Variants in TMEM132D observed in about 807,000 individuals in gnomAD.
TMEM132D encodes the protein mature OL transmembrane protein.
A neutral mutation model predicts 62.3 loss-of-function variants in TMEM132D; 21 were observed. The observed-to-expected ratio is 0.34, with a 90% CI of 0.24 to 0.49. The LOEUF is 0.49. TMEM132D is among the 20% of genes least tolerant of loss of function. TMEM132D has a pLI of 0.99. For missense variants in TMEM132D, 1,346 were observed against 1,402.8 expected, an observed-to-expected ratio of 0.96 and a Z score of 0.65; for synonymous variants, 621 against 575.6, an observed-to-expected ratio of 1.08 and a Z score of -1.13.
chr12:129,465,432 G>C (rs1162645032), intron 3 of TMEM132D, among the ~76,000 whole-genome samples: 1 of 152,090 alleles, frequency 6.6e-6, no homozygotes, highest in Non-Finnish European at 1.5e-5. Context: ...ACATAGTGTT[G>C]GAAGTTCTGG....
chr12:129,390,111 A>C (rs1871253388), intron 3 of TMEM132D, among the ~76,000 whole-genome samples: 1 of 152,216 alleles, frequency 6.6e-6, no homozygotes, highest in Non-Finnish European at 1.5e-5. Context: ...GGCACTTTCA[A>C]GTGCTCCTGG....
intron 1 of TMEM132D, among the ~76,000 whole-genome samples, chr12:129,819,889 G>A (rs1039087944): frequency 2.0e-5 from 3 of 152,166 alleles, no homozygotes; most frequent in Non-Finnish European, 2.9e-5. Flanking sequence ...GTGCTCATGA[G>A]TGGGAGACGC....
intron 3 of TMEM132D, among the ~76,000 whole-genome samples, chr12:129,515,050 A>G (rs570964739): frequency 2.0e-5 from 3 of 152,208 alleles, no homozygotes; most frequent in Non-Finnish European, 4.4e-5. Context: ...CTGGAAGAAC[A>G]TTAACTCTTG....
At chr12:129,696,942 C>T (rs1256941513) in intron 2 of TMEM132D, among the ~76,000 whole-genome samples, 1 of 152,170 alleles carries the variant, frequency 6.6e-6, no homozygotes, top group Admixed American at 6.5e-5. Flanking sequence ...TGTAAGATGA[C>T]AAAAAGCCCC....
At chr12:129,420,306 G>GGTTTTTTTTTTTTTTTTTT (rs1457529737) in intron 3 of TMEM132D, among the ~76,000 whole-genome samples, 1 of 112,300 alleles carries the variant, frequency 8.9e-6, no homozygotes, top group East Asian at 3.6e-4. Flanking sequence ...CACGTTCTCT[G>GGTTTTTTTTTTTTTTTTTT]TTTTTTTTTT....
intron 6 of TMEM132D, among the ~76,000 whole-genome samples, chr12:129,083,832 C>G (rs1364394827): frequency 6.6e-6 from 1 of 152,226 alleles, no homozygotes; most frequent in Non-Finnish European, 1.5e-5. Context: ...CTACCACTCT[C>G]TTTACATGGT....
At chr12:129,153,278 A>G (rs573342921) in intron 5 of TMEM132D, among the ~76,000 whole-genome samples, 1 of 152,302 alleles carries the variant, frequency 6.6e-6, no homozygotes, top group South Asian at 2.1e-4. Context: ...CAAGTCAGAG[A>G]GCTATGCCTG....
At chr12:129,150,338 C>A (rs766920396) in intron 5 of TMEM132D, among the ~76,000 whole-genome samples, 1 of 152,176 alleles carries the variant, frequency 6.6e-6, no homozygotes, top group African/African-American at 2.4e-5. Flanking sequence ...ACAATGCCGA[C>A]GGCCAACACT....
At chr12:129,431,859 T>C (rs1052854549) in intron 3 of TMEM132D, among the ~76,000 whole-genome samples, 48 of 152,198 alleles carry the variant, frequency 3.2e-4, no homozygotes, top group African/African-American at 1.1e-3. Flanking sequence ...ACTGGCTTTC[T>C]TGCTTTCCTT....
intron 2 of TMEM132D, among the ~76,000 whole-genome samples, chr12:129,581,744 A>T (rs917925784): frequency 6.6e-6 from 1 of 152,096 alleles, no homozygotes; most frequent in African/African-American, 2.4e-5. Context: ...TAGTCCATTG[A>T]CTCAAATGTC....
intron 1 of TMEM132D, among the ~76,000 whole-genome samples, chr12:129,706,341 G>C (rs1881506846): frequency 6.6e-6 from 1 of 151,592 alleles, no homozygotes. Flanking sequence ...AAGAAAACTG[G>C]GGTCACAACT....
intron 3 of TMEM132D, among the ~76,000 whole-genome samples, chr12:129,519,296 C>T (rs777953846): frequency 2.0e-5 from 3 of 152,110 alleles, no homozygotes; most frequent in African/African-American, 7.2e-5. Flanking sequence ...CAACAGAAGC[C>T]ACAGTGATCT....
At chr12:129,640,393 G>A (rs150569422) in intron 2 of TMEM132D, among the ~76,000 whole-genome samples, 1 of 152,180 alleles carries the variant, frequency 6.6e-6, no homozygotes, top group Non-Finnish European at 1.5e-5. Context: ...ATAAGAATGG[G>A]ATGCTTCTTC....
intron 4 of TMEM132D, among the ~76,000 whole-genome samples, chr12:129,303,750 C>T (rs1397092021): frequency 2.6e-5 from 4 of 151,274 alleles, no homozygotes; most frequent in African/African-American, 9.7e-5. Context: ...GTCCCATGAT[C>T]TACCATTGGC....
intron 3 of TMEM132D, among the ~76,000 whole-genome samples, chr12:129,501,551 G>A (rs1330961470): frequency 6.6e-6 from 1 of 151,692 alleles, no homozygotes; most frequent in Non-Finnish European, 1.5e-5. Context: ...TGTTGCCTAG[G>A]CTGGAGTGCA....
At chr12:129,236,112 GT>G (rs1879774253) in intron 4 of TMEM132D, among the ~76,000 whole-genome samples, 1 of 129,980 alleles carries the variant, frequency 7.7e-6, no homozygotes, top group Admixed American at 8.4e-5. Flanking sequence ...TTTTGTGTGT[GT>G]GTGTGTGTGT....
intron 1 of TMEM132D, among the ~76,000 whole-genome samples, chr12:129,745,548 C>T (rs1198149932): frequency 1.3e-5 from 2 of 152,140 alleles, no homozygotes; most frequent in African/African-American, 4.8e-5. Context: ...CTATCTCTTA[C>T]TAATCTCTCC....
intron 1 of TMEM132D, among the ~76,000 whole-genome samples, chr12:129,805,701 TTAAAC>T (rs1383170558): frequency 6.6e-6 from 1 of 151,480 alleles, no homozygotes; most frequent in Non-Finnish European, 1.5e-5. Context: ...TGGGATCTAA[TTAAAC>T]TAAAGAGCTT....
rs190391402 is a variant in TMEM132D, at chr12:129,624,539, A to T, written c.968+75271T>A. The stretch of plus-strand genomic sequence containing the variant: ...AGCTCAGCTGGACCAGCAGGACAAG[A>T]CCACTGCAGACAGCACAGTGGCATC... On this transcript the variant is annotated intron_variant, in intron 2 of 8. Transcript: ENST00000422113. Among the ~76,000 whole-genome samples the T allele has an allele frequency of 2.4e-4, 36 of 152,322 alleles. No individual in the cohort carries two copies. In the East Asian group the frequency reaches 6.0e-3, roughly 25 times the overall value.
Sources: allele counts gnomAD v4.1 joint callset (sites outside exome capture counted in the v4.1 genomes callset), GRCh38; gene constraint gnomAD v4.1.1; transcripts MANE v1.5; gene names NCBI Gene and HGNC (gene_info 2026-07-23, HGNC 2026-07-21).